Variants in FGF1 observed in about 807,000 individuals in gnomAD.
FGF1 encodes the protein beta-endothelial cell growth factor.
In FGF1, 9 loss-of-function variants were observed where a neutral mutation model predicts 13.4. That is an observed-to-expected ratio of 0.67 (90% CI 0.40 to 1.17). FGF1 has a LOEUF of 1.17. FGF1 is among the 50% of genes most tolerant of loss of function. The pLI, the probability that FGF1 is intolerant of heterozygous loss-of-function variation, is 0.01. For synonymous variants in FGF1, 93 were observed against 79.0 expected (o/e 1.18, Z -0.94); for missense variants, 156 against 192.7 (o/e 0.81, Z 1.13).
At chr5:142,599,749 A>G (rs1215555763) in intron 3 of FGF1, among the ~76,000 whole-genome samples, 1 of 152,224 alleles carries the variant, frequency 6.6e-6, no homozygotes, top group African/African-American at 2.4e-5. Flanking sequence ...TACATGGTCA[A>G]ACCTGTATAA....
intron 1 of FGF1, among the ~76,000 whole-genome samples, chr5:142,642,783 G>C (rs771437843): frequency 2.0e-5 from 3 of 152,234 alleles, no homozygotes; most frequent in Non-Finnish European, 4.4e-5. Context: ...TTGGCTGGGA[G>C]ATGGGAAGAC....
chr5:142,618,467 GA>G (rs1375386408), intron 1 of FGF1, among the ~76,000 whole-genome samples: 1 of 152,172 alleles, frequency 6.6e-6, no homozygotes, highest in Non-Finnish European at 1.5e-5. Context: ...TACAGCGCTT[GA>G]AAAATTGGAC....
intron 2 of FGF1, among the ~76,000 whole-genome samples, chr5:142,693,996 G>A (rs919046231): frequency 6.6e-6 from 1 of 151,142 alleles, no homozygotes; most frequent in Non-Finnish European, 1.5e-5. Context: ...GTTTTTGTGT[G>A]AACATGTGTT....
At chr5:142,644,459 T>C (rs1253088211) in intron 1 of FGF1, among the ~76,000 whole-genome samples, 2 of 152,048 alleles carry the variant, frequency 1.3e-5, no homozygotes, top group African/African-American at 4.8e-5. Context: ...TACATCTTGG[T>C]CTGGCTGGAC....
chr5:142,610,397 A>G (rs1028317611), intron 2 of FGF1, among the ~76,000 whole-genome samples: 4 of 152,190 alleles, frequency 2.6e-5, no homozygotes, highest in African/African-American at 9.7e-5. Flanking sequence ...CCATTAAATA[A>G]TCGCACAAAT....
chr5:142,662,434 A>G (rs962968233), intron 1 of FGF1, among the ~76,000 whole-genome samples: 2 of 152,222 alleles, frequency 1.3e-5, no homozygotes, highest in Non-Finnish European at 1.5e-5. Flanking sequence ...CACCAATTCA[A>G]TGATTTTTGA....
At chr5:142,617,232 G>A (rs1760447452) in intron 1 of FGF1, among the ~76,000 whole-genome samples, 1 of 152,148 alleles carries the variant, frequency 6.6e-6, no homozygotes. Flanking sequence ...AGGTCTGGTG[G>A]TGCATGCCTG....
chr5:142,695,650 C>T (rs1266099778), intron 2 of FGF1, among the ~76,000 whole-genome samples: 1 of 151,408 alleles, frequency 6.6e-6, no homozygotes, highest in Non-Finnish European at 1.5e-5. Context: ...CATCCATTCT[C>T]CCTAATCTAT....
chr5:142,619,999 A>T (rs1262896502), intron 1 of FGF1, among the ~76,000 whole-genome samples: 1 of 152,156 alleles, frequency 6.6e-6, no homozygotes, highest in African/African-American at 2.4e-5. Flanking sequence ...TAAATTTACT[A>T]GCTACTGTTT....
At chr5:142,667,661 G>T (rs1310165541) in intron 1 of FGF1, among the ~76,000 whole-genome samples, 1 of 152,062 alleles carries the variant, frequency 6.6e-6, no homozygotes, top group East Asian at 1.9e-4. Context: ...GGCTGATGGG[G>T]AGAGAGAAAG....
rs1414473124 is a variant in FGF1 at position 142,603,848 on chromosome 5, C to G, written c.170-3043G>C. 5.3e-5 allele frequency among the ~76,000 whole-genome samples: 8 copies of G among 152,164 alleles called. No homozygotes were observed. In the East Asian group the frequency reaches 1.5e-3, roughly 29 times the overall value. ...TTCAGTAAAATGAGGGGTATTTGCG[C>G]TCAGTCTCCATAAAGTTATTTCTCA... On this transcript the variant is annotated intron_variant, in intron 2 of 3. Transcript: ENST00000337706.
chr5:142,667,585 CAAAA>C (rs747487970), intron 1 of FGF1, among the ~76,000 whole-genome samples: 2 of 62,084 alleles, frequency 3.2e-5, no homozygotes, highest in Non-Finnish European at 7.2e-5. Flanking sequence ...GACTCCGTCT[CAAAA>C]AAAAAAAAAA....
chr5:142,666,181 G>GCT (rs1561709276), intron 1 of FGF1, among the ~76,000 whole-genome samples: 1 of 148,648 alleles, frequency 6.7e-6, no homozygotes, highest in Non-Finnish European at 1.5e-5. Context: ...TTATATTAGG[G>GCT]TGAAATCTGT....
intron 1 of FGF1, among the ~76,000 whole-genome samples, chr5:142,646,653 G>A (rs1031915406): frequency 2.7e-5 from 4 of 150,934 alleles, no homozygotes; most frequent in East Asian, 2.0e-4. Context: ...GCCTGGCCCC[G>A]GCTAATTTTT....
In FGF1 at chr5:142,595,341, G is replaced by A. The variant is rs143888146; in HGVS notation, c.417C>T (p.His139=). ...NGSCKRGPRT[H]YGQKAILFLP... is the part of the protein sequence containing the mutation. ...GAAACAAGATTGCTTTCTGGCCATA[G>A]TGAGTCCGAGGACCGCGTTTGCAGC... Residue 139 remains histidine (H), a synonymous_variant, in exon 4 of 4, where the codon CAC becomes CAT. Transcript: ENST00000337706. 1 of 1,613,976 alleles carries A rather than the reference G, an allele frequency of 6.2e-7. No individual in the cohort carries two copies. Among genetic ancestry groups the A allele is most frequent in the African/African-American group, 1.3e-5 (1 of 74,936 alleles).
At chr5:142,658,819 T>A (rs531992977) in intron 1 of FGF1, among the ~76,000 whole-genome samples, 3 of 152,138 alleles carry the variant, frequency 2.0e-5, no homozygotes, top group Non-Finnish European at 4.4e-5. Context: ...CTGGTACCTG[T>A]GTGCATGGTG....
intron 1 of FGF1, among the ~76,000 whole-genome samples, chr5:142,654,389 C>T (rs78000671): frequency 2.0e-5 from 3 of 152,270 alleles, no homozygotes; most frequent in Non-Finnish European, 2.9e-5. Flanking sequence ...TTAGAGAGAA[C>T]GTTAGCTTTA....
intron 1 of FGF1, among the ~76,000 whole-genome samples, chr5:142,628,236 C>T (rs1316359483): frequency 2.0e-5 from 3 of 152,124 alleles, no homozygotes; most frequent in Admixed American, 2.0e-4. Flanking sequence ...CAGGGCTGGG[C>T]GTGGTGGCTC....
intron 3 of FGF1, among the ~76,000 whole-genome samples, chr5:142,598,730 T>C (rs1321293613): frequency 1.3e-5 from 2 of 152,166 alleles, no homozygotes; most frequent in East Asian, 1.9e-4. Context: ...TCTTTATCAA[T>C]GGGGAAAATG....
Sources: allele counts gnomAD v4.1 joint callset (sites outside exome capture counted in the v4.1 genomes callset), GRCh38; gene constraint gnomAD v4.1.1; transcripts MANE v1.5; gene names NCBI Gene and HGNC (gene_info 2026-07-23, HGNC 2026-07-21).